EPB41L4A: variants seen among roughly 807,000 people sequenced by gnomAD.
EPB41L4A encodes band 4.1-like protein 4A.
EPB41L4A carries 100 observed loss-of-function variants against 108.6 expected under a neutral mutation model. The observed-to-expected ratio is 0.92, with a 90% confidence interval of 0.78 to 1.09. The LOEUF is 1.09. Among genes scored for constraint, EPB41L4A ranks in the 50% least tolerant of loss-of-function variants. The pLI is 0.00. For synonymous variants in EPB41L4A, 319 were observed against 289.0 expected (o/e 1.10, Z -1.05); for missense variants, 1,030 against 842.7 (o/e 1.22, Z -2.75).
chr5:112,403,693 C>T (rs1268713616), intron 1 of EPB41L4A, among the ~76,000 whole-genome samples: 1 of 152,126 alleles, frequency 6.6e-6, no homozygotes, highest in Non-Finnish European at 1.5e-5. Context: ...GTCTCAAACT[C>T]CTGGGCTTAA....
chr5:112,142,156 C>G (rs543308448), downstream of EPB41L4A, among the ~76,000 whole-genome samples: 62 of 152,308 alleles, frequency 4.1e-4, 3 homozygotes, highest in South Asian at 0.01. Flanking sequence ...GCCTTATACA[C>G]TAGGTTCTAA....
At chr5:112,261,654 G>C (rs1184206459) in intron 7 of EPB41L4A, among the ~76,000 whole-genome samples, 1 of 152,064 alleles carries the variant, frequency 6.6e-6, no homozygotes, top group Admixed American at 6.6e-5. Context: ...TGACTATTCA[G>C]CAAGTTTTCA....
At chr5:112,321,656 T>G (rs1755789069) in intron 1 of EPB41L4A, among the ~76,000 whole-genome samples, 1 of 152,224 alleles carries the variant, frequency 6.6e-6, no homozygotes, top group African/African-American at 2.4e-5. Context: ...GGTCTTAATG[T>G]ACCACAACCA....
chr5:112,367,107 G>A (rs913938069), intron 1 of EPB41L4A, among the ~76,000 whole-genome samples: 2 of 152,116 alleles, frequency 1.3e-5, no homozygotes, highest in African/African-American at 2.4e-5. Context: ...TAAAGACAGG[G>A]ACAATCAATA....
At chr5:112,170,755 G>C (rs1760531268) in intron 19 of EPB41L4A, among the ~76,000 whole-genome samples, 190 bp downstream of exon 19, 1 of 152,126 alleles carries the variant, frequency 6.6e-6, no homozygotes. Context: ...GAGGTGTCAG[G>C]GTTGCCTGTA....
chr5:112,146,738 G>C (rs995873376), intron 12 of EPB41L4A, among the ~76,000 whole-genome samples: 3 of 152,088 alleles, frequency 2.0e-5, no homozygotes, highest in Non-Finnish European at 2.9e-5. Context: ...TTTAACCCTC[G>C]TTGCTACTGG....
At chr5:112,341,928 C>G (rs1757349062) in intron 1 of EPB41L4A, among the ~76,000 whole-genome samples, 1 of 152,072 alleles carries the variant, frequency 6.6e-6, no homozygotes, top group African/African-American at 2.4e-5. Flanking sequence ...TATGAGAAGA[C>G]AGTATAACAG....
At chr5:112,326,777 C>G (rs1200825919) in intron 1 of EPB41L4A, among the ~76,000 whole-genome samples, 1 of 152,084 alleles carries the variant, frequency 6.6e-6, no homozygotes, top group African/African-American at 2.4e-5. Flanking sequence ...TTTTAAGAAT[C>G]AATCAAATGA....
At chr5:112,169,859 G>T in intron 20 of EPB41L4A, 1 of 164,116 alleles carries the variant, frequency 6.1e-6, no homozygotes. Flanking sequence ...CAACAGGTAC[G>T]GTTCCTCTTA....
At chr5:112,264,201 G>C (rs189942469) in intron 6 of EPB41L4A, 9 of 152,232 alleles carry the variant, frequency 5.9e-5, no homozygotes. Context: ...AATGTTAACC[G>C]GTGTAAAGAA....
chr5:112,362,830 C>T (rs141210549), intron 1 of EPB41L4A, among the ~76,000 whole-genome samples: 5 of 152,034 alleles, frequency 3.3e-5, no homozygotes, highest in South Asian at 4.1e-4. Context: ...TCAAGTCTGA[C>T]GATTCATCTC....
At position 112,239,244 on chromosome 5, in the gene EPB41L4A, C is replaced by A. The variant is rs1428552758; in HGVS notation, c.965+416G>T. Among the ~76,000 whole-genome samples the A allele has an allele frequency of 2.0e-5, 3 of 152,136 alleles. 1 individual carries two copies. The highest frequency in any genetic ancestry group is 7.2e-5 in the African/African-American group (3 of 41,434). On this transcript the variant is annotated intron_variant, in intron 11 of 22. Transcript: ENST00000261486. ...ATTACTACATGCAGGCTTCATGTTG[C>A]AGAAAAAACAAGGTTTGATGCACAA...
chr5:112,145,055 C>T (rs1759198394), intron 13 of EPB41L4A, among the ~76,000 whole-genome samples: 2 of 152,150 alleles, frequency 1.3e-5, no homozygotes, highest in African/African-American at 2.4e-5. Context: ...TTTGGGAGGC[C>T]GAGGTGGGCG....
chr5:112,402,160 A>G (rs1182409073), intron 1 of EPB41L4A, among the ~76,000 whole-genome samples: 1 of 152,108 alleles, frequency 6.6e-6, no homozygotes, highest in Non-Finnish European at 1.5e-5. Flanking sequence ...TGTTCTCATG[A>G]TAGTGAGTGA....
chr5:112,390,482 C>T (rs978787110), intron 1 of EPB41L4A, among the ~76,000 whole-genome samples: 1 of 152,108 alleles, frequency 6.6e-6, no homozygotes, highest in Non-Finnish European at 1.5e-5. Flanking sequence ...GAGCTGACAG[C>T]CTGGGTGGGG....
At chr5:112,188,062 A>C (rs1309476851) in intron 17 of EPB41L4A, among the ~76,000 whole-genome samples, 1 of 152,224 alleles carries the variant, frequency 6.6e-6, no homozygotes, top group Non-Finnish European at 1.5e-5. Flanking sequence ...CACTGAAAGA[A>C]ACTTACACTC....
chr5:112,277,873 C>G (rs1752713104), intron 3 of EPB41L4A, among the ~76,000 whole-genome samples: 1 of 152,140 alleles, frequency 6.6e-6, no homozygotes, highest in African/African-American at 2.4e-5. Flanking sequence ...AAATTATTGT[C>G]TTGAATCCAC....
chr5:112,411,683 G>T (rs1043035808), intron 1 of EPB41L4A, among the ~76,000 whole-genome samples: 1 of 152,056 alleles, frequency 6.6e-6, no homozygotes, highest in African/African-American at 2.4e-5. Context: ...GGCAGACAAG[G>T]ATTTGATTGA....
At chr5:112,152,196 A>G (rs1318840761) in intron 12 of EPB41L4A, among the ~76,000 whole-genome samples, 1 of 152,032 alleles carries the variant, frequency 6.6e-6, no homozygotes, top group East Asian at 1.9e-4. Context: ...AAAAGAAAAG[A>G]GAAAAAAAAA....
Sources: gnomAD v4.1 joint callset for allele counts (sites outside exome capture counted in the v4.1 genomes callset) on GRCh38, gnomAD v4.1.1 for gene constraint, MANE v1.5 for transcripts, NCBI Gene and HGNC (gene_info 2026-07-23, HGNC 2026-07-21) for gene names.